Variants in TBC1D19 observed in about 807,000 individuals in gnomAD.
TBC1D19 encodes TBC1 domain family, member 19.
TBC1D19 carries 60 observed loss-of-function variants against 89.0 expected under a neutral mutation model. That is an observed-to-expected ratio of 0.67 (90% CI 0.55 to 0.84). The LOEUF (loss-of-function observed/expected upper bound fraction) is 0.84. Ranked by LOEUF, TBC1D19 falls within the 40% of genes least tolerant of loss-of-function variation. The pLI, the probability that TBC1D19 is intolerant of heterozygous loss-of-function variation, is 0.00. For missense variants in TBC1D19, 500 were observed against 610.8 expected (o/e 0.82, Z 1.91); for synonymous variants, 189 against 199.7 (o/e 0.95, Z 0.45).
chr4:26,584,260 A>G lies in TBC1D19; in HGVS notation c.67A>G (p.Asn23Asp), dbSNP rs1276858189. 1.2e-6 allele frequency: 2 copies of G among 1,612,364 alleles called. No individual in the cohort carries two copies. The highest frequency in any genetic ancestry group is 1.7e-5 in the Admixed American group (1 of 59,760). ...GATAGTCCAAAAGCTCAAGGGCTCC[A>G]ATTTGTACTCTCAGCTGGAACGGCA... The part of the protein sequence containing the change: ...AQIVQKLKGS[N>D]LYSQLERQAW... Residue 23 changes from asparagine (N) to aspartate (D), a missense_variant, in exon 1 of 21, where the codon AAT (asparagine) becomes GAT (aspartate). Around this residue, in one of 2 missense-constraint regions of TBC1D19, gnomAD observed 280 missense variants for 291.7 expected, o/e 0.96. Transcript: ENST00000264866.
chr4:26,698,910 C>A (rs1345129854), intron 13 of TBC1D19, among the ~76,000 whole-genome samples: 1 of 152,166 alleles, frequency 6.6e-6, no homozygotes, highest in East Asian at 1.9e-4. Flanking sequence ...CATAAAATCC[C>A]TAGAAGAAAA....
chr4:26,742,887 C>T (rs1718450023), intron 18 of TBC1D19, among the ~76,000 whole-genome samples: 1 of 152,054 alleles, frequency 6.6e-6, no homozygotes, highest in Non-Finnish European at 1.5e-5. Context: ...TCAGCCAAAA[C>T]TGAAGCAAAC....
chr4:26,699,317 C>T lies in TBC1D19; in HGVS notation c.954+10910C>T, dbSNP rs143176279. On this transcript the variant is annotated intron_variant, in intron 13 of 20. Coordinates refer to ENST00000264866, the MANE Select transcript of TBC1D19 (RefSeq NM_018317.4). ...GCAAATCAAAACCACAATGAGATAC[C>T]ATCCCACACCAGTTAGAATGATGAT... 6.6e-5 allele frequency among the ~76,000 whole-genome samples: 10 copies of T among 152,274 alleles called. No homozygotes were observed. The East Asian group carries it at 1.7e-3, about 26-fold the overall frequency.
intron 1 of TBC1D19, among the ~76,000 whole-genome samples, chr4:26,577,302 CGT>C (rs940827907): frequency 2.4e-4 from 36 of 149,098 alleles, no homozygotes; most frequent in African/African-American, 8.2e-4. Flanking sequence ...TGTGTGTGTG[CGT>C]GTGTGTGTGT....
chr4:26,641,474 C>A (rs2110080477), intron 7 of TBC1D19, among the ~76,000 whole-genome samples: 1 of 152,302 alleles, frequency 6.6e-6, no homozygotes, highest in African/African-American at 2.4e-5. Context: ...TGGGGAGAAA[C>A]CAGAGCAGAA....
intron 15 of TBC1D19, among the ~76,000 whole-genome samples, chr4:26,725,161 G>A (rs1176819970): frequency 6.6e-6 from 1 of 152,200 alleles, no homozygotes. Flanking sequence ...CTGCTGCCAA[G>A]TTGGGGAGTA....
At chr4:26,815,683 T>C in the TBC1D19 span, among the ~76,000 whole-genome samples, 1 of 152,254 alleles carries the variant, frequency 6.6e-6, no homozygotes, top group East Asian at 1.9e-4. Flanking sequence ...CTGACAGGAC[T>C]CGTCAGTGCC....
intron 12 of TBC1D19, among the ~76,000 whole-genome samples, chr4:26,687,158 A>T (rs1713884201): frequency 1.3e-5 from 2 of 152,170 alleles, no homozygotes. Flanking sequence ...GGATACATGT[A>T]AGGTTTGGGA....
At chr4:26,823,601 T>A in the TBC1D19 span, among the ~76,000 whole-genome samples, 1 of 152,124 alleles carries the variant, frequency 6.6e-6, no homozygotes, top group Non-Finnish European at 1.5e-5. Context: ...AATCTGGAGA[T>A]GGGTCTGTCA....
At chr4:26,775,598 C>T in the TBC1D19 span, among the ~76,000 whole-genome samples, 882 of 152,250 alleles carry the variant, frequency 5.8e-3, 3 homozygotes, top group South Asian at 0.023. Flanking sequence ...GCCCTTCCAC[C>T]ATCAGATGAC....
At chr4:26,799,544 A>T in the TBC1D19 span, among the ~76,000 whole-genome samples, 2 of 152,196 alleles carry the variant, frequency 1.3e-5, no homozygotes, top group African/African-American at 4.8e-5. Context: ...TCAAAACCTA[A>T]TCCTCAAGGT....
At chr4:26,750,754 G>T (rs1347507852) in intron 19 of TBC1D19, among the ~76,000 whole-genome samples, 1 of 152,164 alleles carries the variant, frequency 6.6e-6, no homozygotes, top group Non-Finnish European at 1.5e-5. Flanking sequence ...TAGACTGAAG[G>T]AAGCTCCCCT....
chr4:26,616,634 GCTATACAGA>G (rs1333511032), intron 3 of TBC1D19, among the ~76,000 whole-genome samples: 1 of 152,128 alleles, frequency 6.6e-6, no homozygotes, highest in Non-Finnish European at 1.5e-5. Context: ...GAACACATGA[GCTATACAGA>G]CTATACAGAC....
At chr4:26,851,331 A>ATCTGTCTGTCTG in the TBC1D19 span, among the ~76,000 whole-genome samples, 7 of 74,146 alleles carry the variant, frequency 9.4e-5, no homozygotes, top group African/African-American at 4.2e-4. Flanking sequence ...CTATCTATCT[A>ATCTGTCTGTCTG]TCTATCTATC....
chr4:26,764,695 G>C, the TBC1D19 span, among the ~76,000 whole-genome samples: 1 of 152,136 alleles, frequency 6.6e-6, no homozygotes, highest in African/African-American at 2.4e-5. Context: ...AACCTATAAT[G>C]ATGGGTCATG....
intron 1 of TBC1D19, among the ~76,000 whole-genome samples, chr4:26,594,168 T>G (rs1463935474): frequency 6.6e-6 from 1 of 152,096 alleles, no homozygotes; most frequent in Non-Finnish European, 1.5e-5. Flanking sequence ...CCATAAAAAA[T>G]GATGAGTTCA....
chr4:26,680,869 TG>T (rs1351393198), intron 11 of TBC1D19, among the ~76,000 whole-genome samples: 2 of 152,226 alleles, frequency 1.3e-5, no homozygotes, highest in South Asian at 4.1e-4. Context: ...CTTAAGTGCA[TG>T]TATTTCTCAG....
chr4:26,788,288 G>A, the TBC1D19 span, among the ~76,000 whole-genome samples: 2 of 152,140 alleles, frequency 1.3e-5, no homozygotes, highest in African/African-American at 2.4e-5. Context: ...CAGAGTCAAG[G>A]GGAGCGGTTC....
At chr4:26,818,919 C>A in the TBC1D19 span, among the ~76,000 whole-genome samples, 7 of 152,198 alleles carry the variant, frequency 4.6e-5, no homozygotes, top group Non-Finnish European at 2.9e-5. Flanking sequence ...TGGAAATTAG[C>A]TGTTCTGGAA....
Sources: allele counts gnomAD v4.1 joint callset (sites outside exome capture counted in the v4.1 genomes callset), GRCh38; gene constraint gnomAD v4.1.1; regional missense constraint gnomAD v4.1.1; transcripts MANE v1.5; gene names NCBI Gene and HGNC (gene_info 2026-07-23, HGNC 2026-07-21).